The following SNAPC3 variants were observed in gnomAD, a reference collection of about 807,000 sequenced individuals.
SNAPC3 encodes the protein snRNA-activating protein complex subunit 3.
In SNAPC3, 56 loss-of-function variants were observed where a neutral mutation model predicts 47.7. That is an observed-to-expected ratio of 1.18 (90% CI 0.95 to 1.47). The LOEUF (loss-of-function observed/expected upper bound fraction) is 1.47. Ranked by LOEUF, SNAPC3 falls within the 40% of genes most tolerant of loss-of-function variation. The pLI, the probability that SNAPC3 is intolerant of heterozygous loss-of-function variation, is 0.00. For synonymous variants in SNAPC3, 235 were observed against 189.9 expected (o/e 1.24, Z -1.95); for missense variants, 665 against 511.3 (o/e 1.30, Z -2.90).
Position 15,447,243 on chromosome 9 carries a change from A to ATGGG in SNAPC3, c.731_732insTGGG (p.Lys244AsnfsTer13). 6.2e-7 allele frequency: 1 copy of ATGGG among 1,613,830 alleles called. No homozygotes were observed. The highest frequency in any genetic ancestry group is 8.5e-7 in the Non-Finnish European group (1 of 1,179,770). ...GACCAAGCCCCTGAGCACATCAGCAAAGTAAGGTGATTTCCTCCCATAAAA... is the reference window on the plus strand; with the variant it reads ...GACCAAGCCCCTGAGCACATCAGCAATGGGAGTAAGGTGATTTCCTCCCATAAAA... On this transcript the variant is annotated frameshift_variant and splice_region_variant, in exon 5 of 9. Coordinates refer to ENST00000380821, the MANE Select transcript of SNAPC3 (RefSeq NM_001039697.2). LOFTEE classifies it high-confidence loss of function.
At chr9:15,430,455 C>T (rs572752900) in intron 2 of SNAPC3, among the ~76,000 whole-genome samples, 1 of 151,786 alleles carries the variant, frequency 6.6e-6, no homozygotes, top group Non-Finnish European at 1.5e-5. Context: ...AAATAAATTT[C>T]CAGCTCAGAA....
At chr9:15,441,407 T>TTTTA (rs869223725) in intron 3 of SNAPC3, among the ~76,000 whole-genome samples, 1 of 133,116 alleles carries the variant, frequency 7.5e-6, no homozygotes. Flanking sequence ...TTTTTTTTTT[T>TTTTA]AGTATTTATT....
At chr9:15,454,082 A>C (rs1302106168) in intron 7 of SNAPC3, among the ~76,000 whole-genome samples, 1 of 152,160 alleles carries the variant, frequency 6.6e-6, no homozygotes, top group Admixed American at 6.5e-5. Flanking sequence ...AGAATACAAA[A>C]ATTAGCTGAG....
At chr9:15,437,310 G>A (rs1587246215) in intron 3 of SNAPC3, among the ~76,000 whole-genome samples, 1 of 151,484 alleles carries the variant, frequency 6.6e-6, no homozygotes, top group East Asian at 1.9e-4. Flanking sequence ...TTGGCTCACT[G>A]CAACTTCCGC....
chr9:15,465,433 A>AGACTGC (rs2035550897), downstream of SNAPC3: 1 of 1,210,096 alleles, frequency 8.3e-7, no homozygotes, highest in African/African-American at 1.6e-5. Flanking sequence ...ACCTATGCTT[A>AGACTGC]TAAAAATTTA....
At chr9:15,446,455 C>G (rs1332255371) in intron 4 of SNAPC3, among the ~76,000 whole-genome samples, 1 of 152,220 alleles carries the variant, frequency 6.6e-6, no homozygotes, top group Non-Finnish European at 1.5e-5. Flanking sequence ...AATCCTCCTG[C>G]TTCGGCCTCC....
chr9:15,435,394 G>A (rs1301812076), intron 3 of SNAPC3, among the ~76,000 whole-genome samples: 7 of 152,062 alleles, frequency 4.6e-5, no homozygotes, highest in South Asian at 2.1e-4. Flanking sequence ...CCAACATGGC[G>A]AAACCCTGTC....
chr9:15,452,939 G>A (rs1004542777), intron 6 of SNAPC3, 102 bp from the exon 7 acceptor site: 1 of 910,494 alleles, frequency 1.1e-6, no homozygotes, highest in African/African-American at 1.7e-5. Context: ...CCAGTTAGTT[G>A]GGTGAGCTAG....
At chr9:15,431,620 G>C (rs1020960119) in intron 2 of SNAPC3, among the ~76,000 whole-genome samples, 1 of 152,090 alleles carries the variant, frequency 6.6e-6, no homozygotes, top group African/African-American at 2.4e-5. Flanking sequence ...GGTGGGAAAG[G>C]GGTGGAAAGA....
At chr9:15,465,879 A>G (rs373105162), downstream of SNAPC3, 29 of 289,996 alleles carry the variant, frequency 1.0e-4, no homozygotes, top group East Asian at 1.8e-3. Context: ...ATTCTCTTTA[A>G]AGAACATGAG....
At chr9:15,427,190 C>A (rs62570971) in intron 2 of SNAPC3, among the ~76,000 whole-genome samples, 6,147 of 152,216 alleles carry the variant, frequency 0.04, 136 homozygotes, top group South Asian at 0.067. Context: ...CTCCCTTAAT[C>A]TATAGCAAAC....
chr9:15,465,002 A>C (rs1490273247), downstream of SNAPC3: 3 of 219,858 alleles, frequency 1.4e-5, no homozygotes, highest in Non-Finnish European at 2.7e-5. Context: ...CTGTGAGATT[A>C]AAATTAACTT....
chr9:15,465,044 A>G (rs1191404413), downstream of SNAPC3: 2 of 223,818 alleles, frequency 8.9e-6, no homozygotes, highest in Non-Finnish European at 1.8e-5. Flanking sequence ...CTTGTATAGA[A>G]GTAACATTTT....
At chr9:15,458,115 AC>A (rs2034940230) in intron 8 of SNAPC3, 48 bp downstream of exon 8, 1 of 994,094 alleles carries the variant, frequency 1.0e-6, no homozygotes, top group African/African-American at 1.7e-5. Context: ...GGCAGTTTTG[AC>A]TTTTGGTATT....
chr9:15,428,998 C>CAA (rs914527230), intron 2 of SNAPC3, among the ~76,000 whole-genome samples: 2 of 152,006 alleles, frequency 1.3e-5, no homozygotes, highest in African/African-American at 4.8e-5. Flanking sequence ...AGAAAGGGTT[C>CAA]CCTAGGTACC....
intron 3 of SNAPC3, among the ~76,000 whole-genome samples, chr9:15,441,213 T>A (rs193014213): frequency 7.9e-5 from 12 of 151,600 alleles, no homozygotes; most frequent in Admixed American, 6.6e-4. Flanking sequence ...ACGTTATTAT[T>A]ATTTTTTTAA....
chr9:15,464,502 C>CAAAGT (rs930019805), downstream of SNAPC3: 7 of 200,808 alleles, frequency 3.5e-5, no homozygotes, highest in South Asian at 1.9e-4. Flanking sequence ...ACAGACTTAT[C>CAAAGT]AAAGTACAAT....
rs1054311079 is a variant in SNAPC3, at chr9:15,428,425, C to CGT, written c.392+4441_392+4442dup. Reference sequence around the variant, plus strand: ...TTGGGAGGCTGAGGCAGGAGAATGGCGTGAACCTGGGAGGCGGAGCTTGCA... The same window carrying CGT: ...TTGGGAGGCTGAGGCAGGAGAATGGCGTGTGAACCTGGGAGGCGGAGCTTGCA... On this transcript the variant is annotated intron_variant, in intron 2 of 8. Transcript: ENST00000380821. 2.0e-4 allele frequency among the ~76,000 whole-genome samples: 30 copies of CGT among 149,860 alleles called. 1 individual carries two copies. Among genetic ancestry groups the CGT allele is most frequent in the Admixed American group, 6.7e-4 (10 of 14,882 alleles).
At position 15,461,006 on chromosome 9, in the gene SNAPC3, G is replaced by A. The variant is rs1329653412; in HGVS notation, c.*1140G>A. On this transcript the variant is annotated 3_prime_UTR_variant, in exon 9 of 9. Transcript: ENST00000380821. ...GCTAGCTCTGGCTCACTTATTCTCC[G>A]GTAATGATACTATTGGATATATACC... The A allele has an allele frequency of 2.0e-5, 3 of 151,746 alleles. No homozygotes were observed. The highest frequency in any genetic ancestry group is 6.6e-5 in the Admixed American group (1 of 15,236). 9.4% of individuals were successfully genotyped at this position (151,746 alleles called of 1,614,324 possible). A position where few individuals can be genotyped will look rare whatever the true frequency, so the allele number is the denominator to read the frequency against.
Sources: gnomAD v4.1 joint callset for allele counts (sites outside exome capture counted in the v4.1 genomes callset) on GRCh38, gnomAD v4.1.1 for gene constraint, MANE v1.5 for transcripts, NCBI Gene and HGNC (gene_info 2026-07-23, HGNC 2026-07-21) for gene names.